Variants in CHSY3 observed in about 807,000 individuals in gnomAD.
CHSY3 encodes the protein N-acetylgalactosaminyl-proteoglycan 3-beta-glucuronosyltransferase 3.
CHSY3 carries 35 observed loss-of-function variants against 67.2 expected under a neutral mutation model. The observed-to-expected ratio is 0.52, with a 90% CI of 0.40 to 0.69. The LOEUF is 0.69. CHSY3 is among the 30% of genes least tolerant of loss of function. The probability of loss-of-function intolerance (pLI) is 0.00; values close to 1 mark genes in which losing one functional copy is unlikely to be tolerated. For synonymous variants in CHSY3, 474 were observed against 434.7 expected (o/e 1.09, Z -1.12); for missense variants, 1,069 against 1,138.5 (o/e 0.94, Z 0.88).
chr5:129,972,470 A>G (rs1389568944), intron 2 of CHSY3, among the ~76,000 whole-genome samples: 1 of 151,954 alleles, frequency 6.6e-6, no homozygotes, highest in Non-Finnish European at 1.5e-5. Context: ...TATACATCCT[A>G]TTATTTTTGT....
chr5:130,058,127 T>C (rs555990297), intron 2 of CHSY3, among the ~76,000 whole-genome samples: 1 of 152,296 alleles, frequency 6.6e-6, no homozygotes, highest in East Asian at 1.9e-4. Context: ...AGAGATAGCC[T>C]TCAGTGTCTG....
intron 2 of CHSY3, among the ~76,000 whole-genome samples, chr5:130,033,602 C>G (rs1378751885): frequency 6.6e-6 from 1 of 152,144 alleles, no homozygotes; most frequent in African/African-American, 2.4e-5. Flanking sequence ...TTTACAAACT[C>G]TATGTATTTT....
At chr5:130,178,189 A>ATAT (rs1282650048) in intron 2 of CHSY3, among the ~76,000 whole-genome samples, 1 of 116,954 alleles carries the variant, frequency 8.6e-6, no homozygotes, top group Non-Finnish European at 1.8e-5. Flanking sequence ...GTGTGTGTGT[A>ATAT]TATATATATA....
chr5:129,994,407 A>G (rs1298563274), intron 2 of CHSY3, among the ~76,000 whole-genome samples: 2 of 152,014 alleles, frequency 1.3e-5, no homozygotes. Context: ...GGCTTTGTTC[A>G]TGTCTTTTTA....
Position 129,986,316 on chromosome 5 carries a change from G to A in CHSY3, c.1086+77956G>A, listed in dbSNP as rs145890625. On this transcript the variant is annotated intron_variant, in intron 2 of 2. Transcript: ENST00000305031. ...GTTTTTGTTTCAGTTCTGTTTGTGT[G>A]ATGAATCACAACTATTGATTTGCAT... 3.4e-3 allele frequency among the ~76,000 whole-genome samples: 519 copies of A among 152,248 alleles called. 5 individuals are homozygous for A. Among genetic ancestry groups the A allele is most frequent in the African/African-American group, 0.012 (490 of 41,548 alleles).
chr5:130,149,371 A>G (rs1769168495), intron 2 of CHSY3, among the ~76,000 whole-genome samples: 1 of 152,174 alleles, frequency 6.6e-6, no homozygotes, highest in African/African-American at 2.4e-5. Context: ...GCCTCTGTAA[A>G]CTTATAATTA....
At chr5:129,982,728 G>A (rs1014114800) in intron 2 of CHSY3, among the ~76,000 whole-genome samples, 7 of 151,918 alleles carry the variant, frequency 4.6e-5, no homozygotes, top group Non-Finnish European at 7.4e-5. Flanking sequence ...AGTATCAAAA[G>A]CAGCACTCAT....
At chr5:129,999,124 C>T (rs1245118500) in intron 2 of CHSY3, among the ~76,000 whole-genome samples, 2 of 141,724 alleles carry the variant, frequency 1.4e-5, no homozygotes, top group Non-Finnish European at 1.5e-5. Context: ...TCCCCCCTCC[C>T]TTTTTTTTTT....
At position 129,904,913 on chromosome 5, in the gene CHSY3, C is replaced by T. The variant is rs753743576; in HGVS notation, c.84C>T (p.Ala28=). ...TCACCGCCGCGTCCTGGCTCATCGC[C>T]CCCAGGGTGGCGGAGCTGAGCGAGA... ...LGFTAASWLI[A]PRVAELSERK... The change falls in exon 1 of 3, where the codon GCC becomes GCT. Residue 28 remains alanine (A), a synonymous_variant. Transcript: ENST00000305031. 5.9e-6 allele frequency: 9 copies of T among 1,537,324 alleles called. No homozygotes were observed. In the South Asian group the frequency reaches 8.4e-5, roughly 14 times the overall value.
intron 2 of CHSY3, among the ~76,000 whole-genome samples, chr5:130,082,186 G>A (rs919579043): frequency 1.3e-5 from 2 of 151,852 alleles, no homozygotes; most frequent in Non-Finnish European, 2.9e-5. Flanking sequence ...GGGGTTTCAT[G>A]GAATTATGAT....
intron 2 of CHSY3, among the ~76,000 whole-genome samples, chr5:130,171,572 G>A (rs1363791394): frequency 1.3e-5 from 2 of 152,116 alleles, no homozygotes; most frequent in Admixed American, 1.3e-4. Flanking sequence ...CATGTTGTCT[G>A]AAAGTGTTTT....
intron 2 of CHSY3, among the ~76,000 whole-genome samples, chr5:130,172,307 T>C (rs1769915727): frequency 5.6e-5 from 1 of 17,748 alleles, no homozygotes. Flanking sequence ...AACTCTTTTT[T>C]TTCTTTTCTT....
chr5:130,060,189 C>G, intron 2 of CHSY3, among the ~76,000 whole-genome samples: 1 of 152,062 alleles, frequency 6.6e-6, no homozygotes, highest in East Asian at 1.9e-4. Context: ...AAACTGAATC[C>G]AAAAGCACAT....
intron 2 of CHSY3, among the ~76,000 whole-genome samples, chr5:130,182,929 CTTAT>C (rs1466609496): frequency 1.3e-5 from 2 of 150,356 alleles, no homozygotes; most frequent in South Asian, 2.1e-4. Flanking sequence ...CTTTTTTAAG[CTTAT>C]TTGTCTATTA....
intron 2 of CHSY3, among the ~76,000 whole-genome samples, chr5:130,179,962 T>A (rs1433877296): frequency 6.6e-6 from 1 of 152,228 alleles, no homozygotes; most frequent in East Asian, 1.9e-4. Context: ...AAGTGTTTAA[T>A]TCTTTCTGTA....
At chr5:130,078,396 A>G (rs1766339224) in intron 2 of CHSY3, among the ~76,000 whole-genome samples, 1 of 152,132 alleles carries the variant, frequency 6.6e-6, no homozygotes, top group African/African-American at 2.4e-5. Flanking sequence ...ACTGCCACAT[A>G]AAGAGATACA....
chr5:130,171,277 C>T (rs1769887953), intron 2 of CHSY3, among the ~76,000 whole-genome samples: 1 of 152,086 alleles, frequency 6.6e-6, no homozygotes, highest in Admixed American at 6.6e-5. Flanking sequence ...CAGGCTAAAT[C>T]AGGCAGATAG....
intron 2 of CHSY3, among the ~76,000 whole-genome samples, chr5:130,158,943 GGCATGT>G (rs1439209712): frequency 6.6e-6 from 1 of 151,994 alleles, no homozygotes; most frequent in Non-Finnish European, 1.5e-5. Context: ...TGGAACTGCA[GGCATGT>G]GCTACCACGT....
chr5:130,053,781 T>C (rs1765441553), intron 2 of CHSY3, among the ~76,000 whole-genome samples: 1 of 152,140 alleles, frequency 6.6e-6, no homozygotes, highest in African/African-American at 2.4e-5. Context: ...ACATTAATGA[T>C]AGAAATCATG....
Sources: gnomAD v4.1 joint callset for allele counts (sites outside exome capture counted in the v4.1 genomes callset) on GRCh38, gnomAD v4.1.1 for gene constraint, MANE v1.5 for transcripts, NCBI Gene and HGNC (gene_info 2026-07-23, HGNC 2026-07-21) for gene names.